SCN2A: variants seen among roughly 807,000 people sequenced by gnomAD.
SCN2A encodes sodium voltage-gated channel alpha subunit 2.
Under a neutral mutation model 188.7 loss-of-function variants are expected in SCN2A, and 20 were observed. That is an observed-to-expected ratio of 0.11 (90% confidence interval 0.07 to 0.15). SCN2A has a LOEUF of 0.15. SCN2A is among the 10% of genes least tolerant of loss of function. The pLI is 1.00. For synonymous variants in SCN2A, 804 were observed against 833.1 expected, an observed-to-expected ratio of 0.97 and a Z score of 0.60; for missense variants, 1,278 against 2,445.0, an observed-to-expected ratio of 0.52 and a Z score of 10.07.
At chr2:165,276,720 G>A (rs1695358467) in intron 1 of SCN2A, among the ~76,000 whole-genome samples, 2 of 152,094 alleles carry the variant, frequency 1.3e-5, no homozygotes, top group South Asian at 4.1e-4. Flanking sequence ...CCCACATGAT[G>A]CAATCAGCAC....
chr2:165,248,062 T>C (rs1326485665), intron 1 of SCN2A, among the ~76,000 whole-genome samples: 2 of 152,050 alleles, frequency 1.3e-5, no homozygotes, highest in Non-Finnish European at 2.9e-5. Context: ...ATACCCAGGA[T>C]CTATGTGCTG....
At chr2:165,244,466 G>A (rs1445428528) in intron 1 of SCN2A, among the ~76,000 whole-genome samples, 3 of 151,908 alleles carry the variant, frequency 2.0e-5, no homozygotes, top group Non-Finnish European at 4.4e-5. Context: ...CCTTTATGTG[G>A]AAGAAGACAT....
At chr2:165,368,615 C>T (rs897641077) in intron 19 of SCN2A, among the ~76,000 whole-genome samples, 16 of 152,084 alleles carry the variant, frequency 1.1e-4, no homozygotes, top group African/African-American at 3.9e-4. Context: ...TAATTACTGA[C>T]TAGCAAAAAA....
rs1697678870 is a variant in SCN2A, at chr2:165,315,389, A to C, written c.1384-82A>C. Reference sequence around the variant, plus strand: ...ATTGTTTTTCAAGATTATCTTCATGATATTGAAGCTCAATTAAGCAGTAAC... The same window carrying C: ...ATTGTTTTTCAAGATTATCTTCATGCTATTGAAGCTCAATTAAGCAGTAAC... On this transcript the variant is annotated intron_variant, in intron 10 of 26. Coordinates refer to ENST00000375437, the MANE Select transcript of SCN2A (RefSeq NM_001040142.2). 1.9e-6 allele frequency: 3 copies of C among 1,589,094 alleles called. No homozygotes were observed. In the East Asian group the frequency reaches 6.7e-5, roughly 36 times the overall value.
intron 19 of SCN2A, among the ~76,000 whole-genome samples, chr2:165,369,834 C>T (rs1349036583): frequency 1.3e-5 from 2 of 152,146 alleles, no homozygotes; most frequent in African/African-American, 2.4e-5. Context: ...CCAGGCGTTC[C>T]ACTGCCTCCT....
intron 17 of SCN2A, among the ~76,000 whole-genome samples, chr2:165,355,024 G>A (rs1263698982): frequency 6.6e-6 from 1 of 152,114 alleles, no homozygotes; most frequent in Admixed American, 6.5e-5. Context: ...TGTACGTACT[G>A]GAAAAATATC....
chr2:165,274,188 C>A (rs1695226897), intron 1 of SCN2A: 1 of 151,708 alleles, frequency 6.6e-6, no homozygotes. Flanking sequence ...GTAGGCAAAA[C>A]TTGATATTTA....
chr2:165,370,182 T>C lies in SCN2A; in HGVS notation c.3732T>C (p.Tyr1244=), dbSNP rs1407504955. The part of the protein sequence containing the change: ...QRKTIKTMLE[Y]ADKVFTYIFI... ...AAACCATTAAGACCATGTTAGAATA[T>C]GCTGACAAGGTTTTCACTTACATAT... Residue 1244 remains tyrosine (Y), a synonymous_variant, in exon 20 of 27, where the codon TAT becomes TAC. Transcript: ENST00000375437. 6.2e-7 allele frequency: 1 copy of C among 1,614,180 alleles called. No homozygotes were observed. The highest frequency in any genetic ancestry group is 8.5e-7 in the Non-Finnish European group (1 of 1,180,008).
chr2:165,309,055 T>A, intron 5 of SCN2A: 1 of 1,266,098 alleles, frequency 7.9e-7, no homozygotes, highest in Non-Finnish European at 1.1e-6. Flanking sequence ...ATTTTCCTCT[T>A]AATTGGGAAA....
At chr2:165,365,525 A>T (rs899602739) in intron 18 of SCN2A, among the ~76,000 whole-genome samples, 2 of 151,792 alleles carry the variant, frequency 1.3e-5, no homozygotes, top group Non-Finnish European at 2.9e-5. Context: ...TTTCATTTTT[A>T]TGAATCATTT....
intron 14 of SCN2A, among the ~76,000 whole-genome samples, chr2:165,340,509 T>C (rs1290753042): frequency 1.3e-5 from 2 of 152,202 alleles, no homozygotes; most frequent in Non-Finnish European, 2.9e-5. Flanking sequence ...TTTGGACCTG[T>C]TGAATTTGAG....
Position 165,297,116 on chromosome 2 carries a change from A to G in SCN2A, c.367A>G (p.Ile123Val), listed in dbSNP as rs1396703741. 4.4e-6 allele frequency: 7 copies of G among 1,596,188 alleles called. No individual in the cohort carries two copies. The highest frequency in any genetic ancestry group is 6.0e-6 in the Non-Finnish European group (7 of 1,164,258). The change falls in exon 3 of 27, where the codon ATT becomes GTT. Residue 123 changes from isoleucine (I) to valine (V), a missense_variant. Around this residue, in one of 17 missense-constraint regions of SCN2A, gnomAD observed 141 missense variants for 185.4 expected, o/e 0.76. Transcript: ENST00000375437. The stretch of plus-strand genomic sequence containing the variant: ...CTTCAACCCTATTAGAAAATTAGCT[A>G]TTAAGATTTTGGTACATTCATATCC... ...TPFNPIRKLA[I>V]KILVHSLFNM...
At chr2:165,337,832 A>G (rs1699083971) in intron 14 of SCN2A, among the ~76,000 whole-genome samples, 1 of 152,228 alleles carries the variant, frequency 6.6e-6, no homozygotes, top group African/African-American at 2.4e-5. Context: ...AAAATATCAG[A>G]TGGAAATTTG....
intron 3 of SCN2A, among the ~76,000 whole-genome samples, chr2:165,306,771 T>A (rs749460800): frequency 6.6e-5 from 10 of 152,136 alleles, no homozygotes; most frequent in Non-Finnish European, 1.2e-4. Flanking sequence ...GTAATAGTGT[T>A]GATATTTCAT....
chr2:165,273,686 A>G (rs1006134851), intron 1 of SCN2A: 1 of 152,176 alleles, frequency 6.6e-6, no homozygotes, highest in Non-Finnish European at 1.5e-5. Flanking sequence ...CAAAAAATGT[A>G]TGAGTCATTT....
At chr2:165,377,723 T>C (rs1701386485) in intron 23 of SCN2A, 73 bp downstream of exon 23, 2 of 1,217,602 alleles carry the variant, frequency 1.6e-6, no homozygotes, top group Non-Finnish European at 2.4e-6. Context: ...TTTAGTGATA[T>C]TGTCAATAAA....
chr2:165,262,589 T>C (rs1267157222), intron 1 of SCN2A, among the ~76,000 whole-genome samples: 1 of 152,004 alleles, frequency 6.6e-6, no homozygotes, highest in Non-Finnish European at 1.5e-5. Flanking sequence ...TATATATTTG[T>C]ATATGTATAA....
At chr2:165,354,742 T>C (rs1574666066) in intron 17 of SCN2A, 71 bp downstream of exon 17, 3 of 1,479,044 alleles carry the variant, frequency 2.0e-6, no homozygotes, top group Non-Finnish European at 2.8e-6. Flanking sequence ...CAGGTGTTTT[T>C]AAATTGCGTG....
chr2:165,369,062 A>T (rs1382928359), intron 19 of SCN2A, among the ~76,000 whole-genome samples: 1 of 151,958 alleles, frequency 6.6e-6, no homozygotes, highest in African/African-American at 2.4e-5. Context: ...AGTAGCTGGG[A>T]TTACAGGTGT....
Sources: gnomAD v4.1 joint callset for allele counts (sites outside exome capture counted in the v4.1 genomes callset) on GRCh38, gnomAD v4.1.1 for gene constraint, gnomAD v4.1.1 regional missense constraint, MANE v1.5 for transcripts, NCBI Gene and HGNC (gene_info 2026-07-23, HGNC 2026-07-21) for gene names.